The following TNFAIP8 variants were observed in gnomAD, a reference collection of about 807,000 sequenced individuals.
The protein encoded by TNFAIP8 is TNF alpha induced protein 8.
TNFAIP8 carries 7 observed loss-of-function variants against 13.3 expected under a neutral mutation model. That is an observed-to-expected ratio of 0.52 (90% confidence interval 0.30 to 0.99). The LOEUF (loss-of-function observed/expected upper bound fraction) is 0.99. Among genes scored for constraint, TNFAIP8 ranks in the 50% least tolerant of loss-of-function variants. The pLI is 0.07. For synonymous variants in TNFAIP8, 94 were observed against 87.6 expected (o/e 1.07, Z -0.41); for missense variants, 258 against 236.9 (o/e 1.09, Z -0.58).
chr5:119,325,500 T>G lies in TNFAIP8; in HGVS notation c.1+56593T>G, dbSNP rs571732281. 2.6e-5 allele frequency among the ~76,000 whole-genome samples: 4 copies of G among 152,310 alleles called. No individual in the cohort carries two copies. In the East Asian group the frequency reaches 7.7e-4, roughly 29 times the overall value. ...TCTCACTCTGTCGCCCAGGCTGGAG[T>G]GTAGTGGTGCGATCTCAGCTCACTG... On this transcript the variant is annotated intron_variant, in intron 1 of 1. Transcript: ENST00000274456.
chr5:119,355,679 T>C (rs972240734), upstream of TNFAIP8: 43 of 329,162 alleles, frequency 1.3e-4, no homozygotes, highest in Admixed American at 8.3e-4. Flanking sequence ...GAGATGAGAC[T>C]TTTTTTTTCT....
At chr5:119,340,062 G>A (rs1316730041) in intron 1 of TNFAIP8, among the ~76,000 whole-genome samples, 1 of 152,170 alleles carries the variant, frequency 6.6e-6, no homozygotes, top group Non-Finnish European at 1.5e-5. Context: ...CATTCAGAAG[G>A]CTGGTGAAAA....
intron 1 of TNFAIP8, among the ~76,000 whole-genome samples, chr5:119,324,167 C>T (rs558478071): frequency 1.3e-5 from 2 of 151,036 alleles, no homozygotes; most frequent in East Asian, 1.9e-4. Context: ...CCCAGCTACT[C>T]GAGAGGCTGA....
rs577268671 is a variant in TNFAIP8, at chr5:119,394,982, G to T, written c.*1601G>T. On this transcript the variant is annotated 3_prime_UTR_variant, in exon 2 of 2. Transcript: ENST00000504771. ...TTAAAATAATAGTTTACCAGGAAAGGTTCCACAACTAAAAATTCCAGAAGT... is the reference window on the plus strand; with the variant it reads ...TTAAAATAATAGTTTACCAGGAAAGTTTCCACAACTAAAAATTCCAGAAGT... The T allele has an allele frequency of 6.6e-6, 1 of 152,222 alleles. No homozygotes were observed. The highest frequency in any genetic ancestry group is 1.9e-4 in the East Asian group (1 of 5,176). 9.4% of individuals were successfully genotyped at this position (152,222 alleles called of 1,614,324 possible).
At chr5:119,329,095 C>A (rs1257799705) in intron 1 of TNFAIP8, among the ~76,000 whole-genome samples, 3 of 152,256 alleles carry the variant, frequency 2.0e-5, no homozygotes, top group Admixed American at 6.5e-5. Context: ...AGTGCCGCAG[C>A]TGTGCTGCTC....
At chr5:119,307,352 A>G (rs1443347228) in intron 1 of TNFAIP8, among the ~76,000 whole-genome samples, 1 of 152,208 alleles carries the variant, frequency 6.6e-6, no homozygotes, top group Non-Finnish European at 1.5e-5. Context: ...CATACAAGCA[A>G]TTATATTTAT....
At chr5:119,278,052 G>C (rs907702289) in intron 1 of TNFAIP8, among the ~76,000 whole-genome samples, 39 of 152,138 alleles carry the variant, frequency 2.6e-4, no homozygotes, top group African/African-American at 9.4e-4. Flanking sequence ...ACCATAGCAG[G>C]AGGGACACAA....
chr5:119,355,680 T>C, upstream of TNFAIP8: 1 of 345,636 alleles, frequency 2.9e-6, no homozygotes, highest in Non-Finnish European at 5.2e-6. Flanking sequence ...AGATGAGACT[T>C]TTTTTTTCTT....
chr5:119,271,149 A>G (rs1221259667), intron 1 of TNFAIP8, among the ~76,000 whole-genome samples: 3 of 152,224 alleles, frequency 2.0e-5, no homozygotes, highest in African/African-American at 7.2e-5. Flanking sequence ...GGCCAGGAAC[A>G]GAGTATTTTA....
intron 1 of TNFAIP8, among the ~76,000 whole-genome samples, chr5:119,382,746 A>G (rs1445016580): frequency 1.3e-5 from 2 of 152,198 alleles, no homozygotes; most frequent in African/African-American, 4.8e-5. Flanking sequence ...TAGCAGGGCA[A>G]GGCCCCTGAC....
chr5:119,335,176 T>C (rs1215500871), intron 1 of TNFAIP8, among the ~76,000 whole-genome samples: 6 of 152,176 alleles, frequency 3.9e-5, no homozygotes, highest in Non-Finnish European at 7.4e-5. Flanking sequence ...CTAGTGGAAC[T>C]GGCTGAATTG....
chr5:119,281,306 A>ACACACACACACACACACACTCTCTCT, intron 1 of TNFAIP8, among the ~76,000 whole-genome samples: 1,399 of 114,176 alleles, frequency 0.012, 38 homozygotes, highest in African/African-American at 0.038. Context: ...ACACACACAC[A>ACACACACACACACACACACTCTCTCT]CTCTCTCTCT....
At chr5:119,355,964 G>C, upstream of TNFAIP8, 1 of 1,484,358 alleles carries the variant, frequency 6.7e-7, no homozygotes, top group Non-Finnish European at 9.1e-7. Flanking sequence ...CCCCGGGGAG[G>C]TTTTGATTTT....
chr5:119,335,719 A>G (rs575537423), intron 1 of TNFAIP8, among the ~76,000 whole-genome samples: 41 of 152,248 alleles, frequency 2.7e-4, no homozygotes, highest in African/African-American at 8.9e-4. Flanking sequence ...AAGGCAGTGA[A>G]CAAAGCAGAT....
At position 119,380,109 on chromosome 5, in the gene TNFAIP8, A is replaced by G. The variant is rs1259466816; in HGVS notation, c.32-12707A>G. Among the ~76,000 whole-genome samples, 3 of 152,276 alleles carry G rather than the reference A, an allele frequency of 2.0e-5. No homozygotes were observed. The South Asian group carries it at 6.2e-4, about 32-fold the overall frequency. On this transcript the variant is annotated intron_variant, in intron 1 of 1. Coordinates refer to ENST00000504771, the MANE Select transcript of TNFAIP8 (RefSeq NM_014350.4). ...TCTGCCACTGTTTATGCACCCTTAG[A>G]TAAGTCACTTGACTTCTGAGCCTCA...
At chr5:119,373,566 A>T (rs2112819492) in intron 1 of TNFAIP8, among the ~76,000 whole-genome samples, 1 of 152,310 alleles carries the variant, frequency 6.6e-6, no homozygotes, top group African/African-American at 2.4e-5. Context: ...ACAAGAAAGT[A>T]CATATTACAT....
intron 1 of TNFAIP8, among the ~76,000 whole-genome samples, chr5:119,313,183 G>A (rs1749785297): frequency 1.3e-5 from 2 of 152,276 alleles, no homozygotes; most frequent in South Asian, 4.1e-4. Flanking sequence ...TGTCATTTTT[G>A]TTATAGATAA....
In TNFAIP8 at chr5:119,301,406, A is replaced by G. The variant is rs200755822; in HGVS notation, c.1+32499A>G. On this transcript the variant is annotated intron_variant, in intron 1 of 1. Coordinates refer to the TNFAIP8 transcript ENST00000274456. ...ATCCTATTCAGTCTTCAAAGCCCCA[A>G]ATAAAAAAAAATCATCTCCTATGGG... 5.3e-5 allele frequency among the ~76,000 whole-genome samples: 8 copies of G among 152,266 alleles called. No homozygotes were observed. In the East Asian group the frequency reaches 1.5e-3, roughly 29 times the overall value.
upstream of TNFAIP8, among the ~76,000 whole-genome samples, chr5:119,351,994 TG>T (rs1194564249): frequency 2.0e-5 from 3 of 152,064 alleles, no homozygotes; most frequent in Non-Finnish European, 4.4e-5. Flanking sequence ...TTCACTGTCT[TG>T]GCCAGGCTGG....
Sources: gnomAD v4.1 joint callset for allele counts (sites outside exome capture counted in the v4.1 genomes callset) on GRCh38, gnomAD v4.1.1 for gene constraint, MANE v1.5 for transcripts, NCBI Gene and HGNC (gene_info 2026-07-23, HGNC 2026-07-21) for gene names.